NCOA2: variants seen among roughly 807,000 people sequenced by gnomAD.
The protein encoded by NCOA2 is class E basic helix-loop-helix protein 75.
Under a neutral mutation model 145.1 loss-of-function variants are expected in NCOA2, and 21 were observed. The observed-to-expected ratio is 0.14, with a 90% confidence interval of 0.10 to 0.21. NCOA2 has a LOEUF of 0.21. NCOA2 is among the 10% of genes least tolerant of loss of function. The pLI, the probability that NCOA2 is intolerant of heterozygous loss-of-function variation, is 1.00. For missense variants in NCOA2, 1,472 were observed against 1,837.6 expected (o/e 0.80, Z 3.64); for synonymous variants, 619 against 637.5 (o/e 0.97, Z 0.44).
the NCOA2 span, among the ~76,000 whole-genome samples, chr8:70,435,547 C>A: frequency 7.3e-5 from 11 of 150,040 alleles, no homozygotes; most frequent in Non-Finnish European, 1.6e-4. Flanking sequence ...CTTAATCTCT[C>A]TGTTCTCCAG....
chr8:70,161,927 A>T (rs2132403034), intron 9 of NCOA2, among the ~76,000 whole-genome samples: 1 of 152,240 alleles, frequency 6.6e-6, no homozygotes, highest in South Asian at 2.1e-4. Flanking sequence ...GAAAACAACA[A>T]TGCACTTGAG....
rs191844906 is a variant in NCOA2 at position 70,400,133 on chromosome 8, T to A, written c.-77+3567A>T. On this transcript the variant is annotated intron_variant, in intron 1 of 22. Coordinates refer to ENST00000452400, the MANE Select transcript of NCOA2 (RefSeq NM_006540.4). ...TGCTCTTCTAACACTAAGCCACTCA[T>A]CTAAATTATATTTAACCAATGAAGG... Among the ~76,000 whole-genome samples the A allele has an allele frequency of 1.5e-3, 233 of 152,282 alleles. 1 individual carries two copies. The highest frequency in any genetic ancestry group is 5.4e-3 in the African/African-American group (226 of 41,554).
intron 2 of NCOA2, among the ~76,000 whole-genome samples, chr8:70,218,685 C>T (rs1162912490): frequency 1.3e-5 from 2 of 152,154 alleles, no homozygotes; most frequent in African/African-American, 4.8e-5. Context: ...CCCATGGTTT[C>T]AATCATGAGA....
At chr8:70,415,374 C>G in the NCOA2 span, among the ~76,000 whole-genome samples, 1 of 152,002 alleles carries the variant, frequency 6.6e-6, no homozygotes, top group South Asian at 2.1e-4. Flanking sequence ...TAAACAAACT[C>G]CTCTATCTGA....
rs202236961 is a variant in NCOA2, at chr8:70,288,423, C to CA, written c.-20+8320dup. On this transcript the variant is annotated intron_variant, in intron 2 of 22. Transcript: ENST00000452400. ...CGAAACCCCATCTCTACTAAAAATACAAAAAAAATTAGCCAGCATGGTGGT... is the reference window on the plus strand; with the variant it reads ...CGAAACCCCATCTCTACTAAAAATACAAAAAAAAATTAGCCAGCATGGTGGT... Among the ~76,000 whole-genome samples, 724 of 151,642 alleles carry CA rather than the reference C, an allele frequency of 4.8e-3. 20 individuals carry two copies. Among genetic ancestry groups the CA allele is most frequent in the Admixed American group, 0.041 (633 of 15,258 alleles).
At chr8:70,197,922 T>C (rs995673879) in intron 4 of NCOA2, among the ~76,000 whole-genome samples, 1 of 151,918 alleles carries the variant, frequency 6.6e-6, no homozygotes, top group Non-Finnish European at 1.5e-5. Flanking sequence ...GCTCAGCCTC[T>C]TGAGTAGCTA....
At chr8:70,210,646 C>T (rs1269234127) in intron 4 of NCOA2, among the ~76,000 whole-genome samples, 1 of 152,308 alleles carries the variant, frequency 6.6e-6, no homozygotes, top group South Asian at 2.1e-4. Context: ...TTTCTTCTCT[C>T]CCTTTATTTA....
At chr8:70,204,083 C>T (rs1818194196) in intron 4 of NCOA2, among the ~76,000 whole-genome samples, 1 of 152,188 alleles carries the variant, frequency 6.6e-6, no homozygotes, top group South Asian at 2.1e-4. Flanking sequence ...TCTTGGCTCA[C>T]CGCAACCTCT....
intron 4 of NCOA2, among the ~76,000 whole-genome samples, chr8:70,178,263 A>C (rs1318247883): frequency 6.6e-5 from 10 of 152,218 alleles, no homozygotes; most frequent in Admixed American, 5.9e-4. Context: ...TATCAGATAT[A>C]ATTTGGGGTA....
At chr8:70,307,707 T>C (rs1056309891) in intron 1 of NCOA2, among the ~76,000 whole-genome samples, 2 of 152,204 alleles carry the variant, frequency 1.3e-5, no homozygotes, top group African/African-American at 4.8e-5. Context: ...TGTGGAGTAT[T>C]TGAAACATCT....
At chr8:70,120,986 T>G (rs1308043556) in intron 22 of NCOA2, among the ~76,000 whole-genome samples, 1 of 152,204 alleles carries the variant, frequency 6.6e-6, no homozygotes, top group Non-Finnish European at 1.5e-5. Flanking sequence ...CCACATTATT[T>G]CTTCCTTTGC....
intron 2 of NCOA2, among the ~76,000 whole-genome samples, chr8:70,282,792 A>T (rs903707480): frequency 6.6e-6 from 1 of 152,000 alleles, no homozygotes; most frequent in South Asian, 2.1e-4. Context: ...CTAATAAGAG[A>T]GTCAGCTGGA....
At chr8:70,162,329 G>A (rs2979633) in intron 9 of NCOA2, among the ~76,000 whole-genome samples, 107,892 of 152,030 alleles carry the variant, frequency 0.71, 40,696 homozygotes, top group Non-Finnish European at 0.84. Context: ...GGGTCCCACT[G>A]TTACCTTCAC....
In NCOA2 at chr8:70,157,115, A is replaced by G. The variant is rs1812386487; in HGVS notation, c.1250T>C (p.Met417Thr). 1 of 1,613,878 alleles carries G rather than the reference A, an allele frequency of 6.2e-7. No homozygotes were observed. Among genetic ancestry groups the G allele is most frequent in the Non-Finnish European group, 8.5e-7 (1 of 1,179,888 alleles). Residue 417 changes from methionine (M) to threonine (T), a missense_variant, in exon 11 of 23, where the codon ATG (methionine) becomes ACG (threonine). This residue lies in a region of NCOA2 where 953 missense variants were observed against 1,062.1 expected (regional missense o/e 0.90). Transcript: ENST00000452400. ...ALCSGNPGQD[M>T]TLSSNINFPI... ...AAAATTTATATTGCTACTGAGGGTC[A>G]TGTCCTGACCTGGGTTCCCACTGCA...
intron 1 of NCOA2, among the ~76,000 whole-genome samples, chr8:70,403,160 C>T (rs547920567): frequency 1.3e-5 from 2 of 151,334 alleles, no homozygotes; most frequent in South Asian, 4.1e-4. Flanking sequence ...GCAGCCGCTC[C>T]GCGCTTCCAT....
intron 18 of NCOA2, among the ~76,000 whole-genome samples, 190 bp from the exon 19 acceptor site, chr8:70,127,237 GAT>G (rs1808520085): frequency 6.6e-6 from 1 of 152,216 alleles, no homozygotes; most frequent in Admixed American, 6.5e-5. Context: ...AAGTTCTAAA[GAT>G]ATGATTATTC....
chr8:70,260,690 C>T (rs1183314519), intron 2 of NCOA2, among the ~76,000 whole-genome samples: 1 of 152,172 alleles, frequency 6.6e-6, no homozygotes, highest in Non-Finnish European at 1.5e-5. Flanking sequence ...CACTAACATC[C>T]ATGTTCTACT....
At position 70,141,324 on chromosome 8, in the gene NCOA2, A is replaced by G; in HGVS notation, c.2888T>C (p.Val963Ala). 6.2e-7 allele frequency: 1 copy of G among 1,613,796 alleles called. No homozygotes were observed. Residue 963 changes from valine to alanine, a missense_variant, in exon 14 of 23, where the codon GTC becomes GCC. By Grantham distance (64) the Val-to-Ala change is moderately conservative (BLOSUM62 0). Coordinates refer to ENST00000452400, the MANE Select transcript of NCOA2 (RefSeq NM_006540.4). ...EWAPQSSAVR[V>A]TCAATTSAMN... ...GGCACTGGTGGTAGCAGCACAGGTG[A>G]CTCTCACAGCCGAACTCTGCGGTGC...
At chr8:70,365,452 A>T (rs753629267) in intron 1 of NCOA2, among the ~76,000 whole-genome samples, 9 of 152,254 alleles carry the variant, frequency 5.9e-5, no homozygotes, top group Non-Finnish European at 1.0e-4. Flanking sequence ...ATCTACATAT[A>T]GCCAAATTTT....
Sources: allele counts gnomAD v4.1 joint callset (sites outside exome capture counted in the v4.1 genomes callset), GRCh38; gene constraint gnomAD v4.1.1; regional missense constraint gnomAD v4.1.1; transcripts MANE v1.5; gene names NCBI Gene and HGNC (gene_info 2026-07-23, HGNC 2026-07-21).